Variants in PCDHA9 observed in about 807,000 individuals in gnomAD.
PCDHA9 encodes the protein protocadherin alpha-9.
In PCDHA9, 62 loss-of-function variants were observed where a neutral mutation model predicts 62.0. The ratio of observed to expected loss-of-function variants is 1.00; its 90% CI spans 0.81 to 1.23. The LOEUF is 1.23. PCDHA9 is among the 50% of genes most tolerant of loss of function. The pLI, the probability that PCDHA9 is intolerant of heterozygous loss-of-function variation, is 0.00. For missense variants in PCDHA9, 1,205 were observed against 1,249.8 expected (o/e 0.96, Z 0.54); for synonymous variants, 557 against 567.6 (o/e 0.98, Z 0.27).
chr5:141,001,987 A>C (rs547998020), intron 3 of PCDHA9, among the ~76,000 whole-genome samples: 3 of 152,302 alleles, frequency 2.0e-5, no homozygotes, highest in African/African-American at 7.2e-5. Context: ...AAAGCCTGGA[A>C]GTTCACTTGC....
chr5:140,904,134 C>T (rs1583515585), intron 1 of PCDHA9, among the ~76,000 whole-genome samples: 2 of 152,002 alleles, frequency 1.3e-5, no homozygotes, highest in Admixed American at 6.6e-5. Flanking sequence ...ACCCATCACC[C>T]GAGCAGTATA....
intron 1 of PCDHA9, among the ~76,000 whole-genome samples, chr5:140,903,649 T>C (rs1335268583): frequency 6.6e-6 from 1 of 152,236 alleles, no homozygotes; most frequent in Non-Finnish European, 1.5e-5. Context: ...CATATACATA[T>C]ATTATAAATT....
intron 1 of PCDHA9, chr5:140,871,328 G>A (rs374687707): frequency 6.2e-7 from 1 of 1,614,128 alleles, no homozygotes; most frequent in Admixed American, 1.7e-5. Flanking sequence ...GTGTGCTCCC[G>A]CGCGGTGGGG....
intron 1 of PCDHA9, among the ~76,000 whole-genome samples, chr5:140,855,406 C>T (rs2043455181): frequency 6.7e-6 from 1 of 149,796 alleles, no homozygotes; most frequent in Non-Finnish European, 1.5e-5. Context: ...GATGTTGAAG[C>T]TAATGATCTC....
chr5:140,875,335 C>T (rs1380813312), intron 1 of PCDHA9: 3 of 1,438,650 alleles, frequency 2.1e-6, no homozygotes, highest in African/African-American at 2.9e-5. Context: ...GGAATAGGAT[C>T]GACTCCATAA....
Position 140,850,316 on chromosome 5 carries a change from T to G in PCDHA9, c.1821T>G (p.Leu607=). The G allele has an allele frequency of 6.3e-7, 1 of 1,597,142 alleles. No homozygotes were observed. The highest frequency in any genetic ancestry group is 8.6e-7 in the Non-Finnish European group (1 of 1,167,594). ...VDADSGYNAW[L]SYELQPETAS... is the part of the protein sequence containing the mutation. The stretch of plus-strand genomic sequence containing the variant: ...CCGACTCGGGCTACAACGCGTGGCT[T>G]TCATACGAGCTGCAGCCAGAAACGG... Residue 607 remains leucine, a synonymous_variant, in exon 1 of 4, where the codon CTT becomes CTG. Coordinates refer to ENST00000532602, the MANE Select transcript of PCDHA9 (RefSeq NM_031857.2).
At chr5:140,880,045 G>A (rs1345443297) in intron 1 of PCDHA9, among the ~76,000 whole-genome samples, 2 of 152,164 alleles carry the variant, frequency 1.3e-5, no homozygotes, top group Admixed American at 6.5e-5. Flanking sequence ...GGATTAAGAT[G>A]TGGGCATAAC....
At chr5:140,931,675 A>G (rs2087672558) in intron 1 of PCDHA9, among the ~76,000 whole-genome samples, 1 of 151,968 alleles carries the variant, frequency 6.6e-6, no homozygotes, top group Admixed American at 6.5e-5. Context: ...TTCCTTATAA[A>G]TAAATGAATT....
intron 1 of PCDHA9, chr5:140,859,181 G>A (rs1006816858): frequency 6.7e-6 from 1 of 149,700 alleles, no homozygotes; most frequent in Admixed American, 6.7e-5. Context: ...ATCAGCATTA[G>A]GCATTGCTTA....
At chr5:140,966,971 C>G (rs375161984) in intron 1 of PCDHA9, 1 of 1,602,808 alleles carries the variant, frequency 6.2e-7, no homozygotes, top group Non-Finnish European at 8.5e-7. Flanking sequence ...GGGGCTTGAG[C>G]TGCGGCGCTT....
chr5:140,864,161 T>A (rs1267371347), intron 1 of PCDHA9: 3 of 152,188 alleles, frequency 2.0e-5, no homozygotes, highest in African/African-American at 7.2e-5. Context: ...AGTTAAATCT[T>A]ACCGGAAGGA....
At chr5:140,906,248 T>C (rs143429198) in intron 1 of PCDHA9, among the ~76,000 whole-genome samples, 45 of 152,272 alleles carry the variant, frequency 3.0e-4, no homozygotes, top group African/African-American at 1.1e-3. Context: ...CTTGAACCCA[T>C]ACACACCTCC....
intron 1 of PCDHA9, chr5:140,928,768 C>G: frequency 1.2e-6 from 2 of 1,614,136 alleles, no homozygotes; most frequent in Non-Finnish European, 1.7e-6. Context: ...CTTAGTTCTT[C>G]CCACTGATGC....
chr5:140,883,457 C>A lies in PCDHA9; in HGVS notation c.2394+32568C>A, dbSNP rs142331981. 13 of 1,614,078 alleles carry A rather than the reference C, an allele frequency of 8.1e-6. No individual in the cohort carries two copies. Among genetic ancestry groups the A allele is most frequent in the Non-Finnish European group, 1.1e-5 (13 of 1,180,050 alleles). On this transcript the variant is annotated intron_variant, in intron 1 of 3. Transcript: ENST00000532602. ...CTTGACGCCGCATGTCCCCTTCAAG[C>A]TGGTGTCCACCTACAAGAACTACTA...
intron 1 of PCDHA9, chr5:140,869,581 GC>G: frequency 6.2e-7 from 1 of 1,614,134 alleles, no homozygotes; most frequent in Non-Finnish European, 8.5e-7. Flanking sequence ...AGCTTCTGAT[GC>G]TGACATTGAA....
chr5:140,966,216 C>T (rs1189015388), intron 1 of PCDHA9: 1 of 247,072 alleles, frequency 4.0e-6, no homozygotes, highest in African/African-American at 2.2e-5. Flanking sequence ...TTTTCCCAGA[C>T]TAATCTCCTT....
At chr5:140,870,634 G>T in intron 1 of PCDHA9, 1 of 1,612,862 alleles carries the variant, frequency 6.2e-7, no homozygotes, top group Non-Finnish European at 8.5e-7. Context: ...GTCGGTGCAC[G>T]CGGAGAGCGG....
rs2098417673 is a variant in PCDHA9, at chr5:141,010,569, T to C, written c.*632T>C. ...AAAACTACCCCCACTGACAAGGCTT[T>C]AGGAGACCCTAAAGTCTGTTGGCTG... On this transcript the variant is annotated 3_prime_UTR_variant, in exon 4 of 4. Transcript: ENST00000532602. 1.4e-5 allele frequency: 4 copies of C among 283,140 alleles called. No individual in the cohort carries two copies. The South Asian group carries it at 2.4e-4, about 17-fold the overall frequency. The allele number at this position is 283,140 out of a possible 1,614,324, so 17.5% of individuals were successfully genotyped here.
At chr5:140,866,876 T>A (rs1554160645) in intron 1 of PCDHA9, 2 of 152,134 alleles carry the variant, frequency 1.3e-5, no homozygotes, top group African/African-American at 4.8e-5. Context: ...CTTCTTGGTA[T>A]TAGCCTATAC....
Sources: allele counts gnomAD v4.1 joint callset (sites outside exome capture counted in the v4.1 genomes callset), GRCh38; gene constraint gnomAD v4.1.1; transcripts MANE v1.5; gene names NCBI Gene and HGNC (gene_info 2026-07-23, HGNC 2026-07-21).